The following NKD1 variants were observed in gnomAD, a reference collection of about 807,000 sequenced individuals.
The protein encoded by NKD1 is protein naked cuticle homolog 1.
In NKD1, 21 loss-of-function variants were observed where a neutral mutation model predicts 56.0. The observed-to-expected ratio is 0.38, with a 90% confidence interval of 0.27 to 0.54. The LOEUF (loss-of-function observed/expected upper bound fraction) is 0.54, where lower values mean the gene tolerates loss of function less well. Among genes scored for constraint, NKD1 ranks in the 20% least tolerant of loss-of-function variants. The pLI is 0.82. For synonymous variants in NKD1, 263 were observed against 265.7 expected (o/e 0.99, Z 0.10); for missense variants, 578 against 642.7 (o/e 0.90, Z 1.09).
At position 50,634,081 on chromosome 16, in the gene NKD1, C is replaced by T; in HGVS notation, c.*300C>T. 3.8e-6 allele frequency: 1 copy of T among 264,812 alleles called. No homozygotes were observed. The highest frequency in any genetic ancestry group is 7.0e-6 in the Non-Finnish European group (1 of 142,492). 16.4% of individuals were successfully genotyped at this position (264,812 alleles called of 1,614,324 possible). A position where few individuals can be genotyped will look rare whatever the true frequency, so the allele number is the denominator to read the frequency against. On this transcript the variant is annotated 3_prime_UTR_variant, in exon 10 of 10. Transcript: ENST00000268459. ...TCTGCAGCATCTATGTGGATCAGCC[C>T]ACACCCTTCCCAGAGCCAGGGAGCC...
intron 4 of NKD1, among the ~76,000 whole-genome samples, chr16:50,618,432 A>C (rs1220701263): frequency 6.6e-6 from 1 of 152,138 alleles, no homozygotes; most frequent in African/African-American, 2.4e-5. Flanking sequence ...TCCCGCCTCC[A>C]GTGGGCCTGC....
chr16:50,562,980 A>G (rs897351741), intron 3 of NKD1, among the ~76,000 whole-genome samples: 14 of 56,364 alleles, frequency 2.5e-4, no homozygotes, highest in African/African-American at 1.3e-3. Flanking sequence ...GCTAGGTCCC[A>G]CCACCACCCC....
At chr16:50,607,514 C>G (rs1961739861) in intron 3 of NKD1, 1 of 157,506 alleles carries the variant, frequency 6.3e-6, no homozygotes, top group Non-Finnish European at 1.4e-5. Context: ...TCCCCCAAAC[C>G]CTTGTCTGTC....
At chr16:50,566,811 T>C (rs1003824775) in intron 3 of NKD1, among the ~76,000 whole-genome samples, 1 of 152,220 alleles carries the variant, frequency 6.6e-6, no homozygotes, top group African/African-American at 2.4e-5. Flanking sequence ...ACAGCCTTCC[T>C]TTCAAGCTTC....
intron 3 of NKD1, among the ~76,000 whole-genome samples, chr16:50,580,249 C>T (rs1213679513): frequency 6.6e-6 from 1 of 152,234 alleles, no homozygotes; most frequent in Admixed American, 6.5e-5. Context: ...GTCATGACAC[C>T]ATGATGGATC....
intron 3 of NKD1, among the ~76,000 whole-genome samples, chr16:50,596,742 G>A (rs891915738): frequency 1.3e-5 from 2 of 152,350 alleles, no homozygotes; most frequent in Admixed American, 6.5e-5. Context: ...GAATGCCCCA[G>A]AGATAAATAA....
intron 3 of NKD1, among the ~76,000 whole-genome samples, chr16:50,579,357 C>T (rs544765497): frequency 1.4e-3 from 203 of 148,548 alleles, no homozygotes; most frequent in Non-Finnish European, 2.3e-3. Context: ...TGTCTTACTC[C>T]TGCGGGCTAC....
At position 50,625,608 on chromosome 16, in the gene NKD1, G is replaced by T. The variant is rs550546972; in HGVS notation, c.462+28G>T. 3.3e-5 allele frequency: 48 copies of T among 1,442,162 alleles called. 1 individual carries two copies. In the South Asian group the frequency reaches 5.2e-4, roughly 16 times the overall value. The allele number at this position is 1,442,162 out of a possible 1,614,324, so 89.3% of individuals were successfully genotyped here. A position where few individuals can be genotyped will look rare whatever the true frequency, so the allele number is the denominator to read the frequency against. On this transcript the variant is annotated intron_variant, in intron 6 of 9. Coordinates refer to ENST00000268459, the MANE Select transcript of NKD1 (RefSeq NM_033119.5). ...GAGTGCACCTGCCTGGCCTCTTGCC[G>T]TGTATCATACCCGCAGGCACAGGGC...
chr16:50,594,488 A>C (rs1397131607), intron 3 of NKD1, among the ~76,000 whole-genome samples: 1 of 152,252 alleles, frequency 6.6e-6, no homozygotes. Context: ...CACTCAGGAC[A>C]CTGTCCCAGG....
At chr16:50,610,440 A>G (rs1389300774) in intron 4 of NKD1, among the ~76,000 whole-genome samples, 1 of 152,072 alleles carries the variant, frequency 6.6e-6, no homozygotes, top group East Asian at 1.9e-4. Context: ...GGTGGGGGAT[A>G]TGGTGTGGAT....
In NKD1 at chr16:50,637,418, A is replaced by G. The variant is rs1567357801; in HGVS notation, c.*3637A>G. 6.6e-6 allele frequency: 1 copy of G among 152,086 alleles called. No homozygotes were observed. The highest frequency in any genetic ancestry group is 1.9e-4 in the East Asian group (1 of 5,180). 9.4% of individuals were successfully genotyped at this position (152,086 alleles called of 1,614,324 possible). A position where few individuals can be genotyped will look rare whatever the true frequency, so the allele number is the denominator to read the frequency against. On this transcript the variant is annotated 3_prime_UTR_variant, in exon 10 of 10. Transcript: ENST00000268459. ...CCCGTTTCTACTAAAAATACAAAAA[A>G]TTAGCTGGGCATGGTGGTGCGTGCC...
At chr16:50,562,410 G>T in intron 3 of NKD1, 2 of 341,118 alleles carry the variant, frequency 5.9e-6, no homozygotes, top group Non-Finnish European at 8.3e-6. Flanking sequence ...ACATTTTTAG[G>T]TTGTTTGATT....
Position 50,623,835 on chromosome 16 carries a change from C to T in NKD1, c.367-1650C>T, listed in dbSNP as rs1962149131. Among the ~76,000 whole-genome samples the T allele has an allele frequency of 6.8e-6, 1 of 147,062 alleles. No homozygotes were observed. The highest frequency in any genetic ancestry group is 2.5e-5 in the African/African-American group (1 of 39,540). On this transcript the variant is annotated intron_variant, in intron 5 of 9. Transcript: ENST00000268459. This position sits in a 1 kb window ranked among gnomAD's most constrained non-coding sequence, Gnocchi z 4.1. ...GTGTAGGTATGCGTGTGTGTAGGTA[C>T]GTGTGTAGGGGTATGCGTGTGTGTG...
At chr16:50,618,088 G>T (rs941634755) in intron 4 of NKD1, among the ~76,000 whole-genome samples, 3 of 152,126 alleles carry the variant, frequency 2.0e-5, no homozygotes, top group African/African-American at 7.2e-5. Context: ...AGTGTAGTTT[G>T]CCACCTCCTG....
chr16:50,549,366 G>A (rs939333116), intron 2 of NKD1, 56 bp from the exon 3 acceptor site: 1 of 1,584,688 alleles, frequency 6.3e-7, no homozygotes, highest in Non-Finnish European at 8.6e-7. Context: ...CCTCCGCGGG[G>A]GTAACTTTTG....
chr16:50,616,189 G>A (rs965407693), intron 4 of NKD1: 10 of 420,734 alleles, frequency 2.4e-5, no homozygotes, highest in Non-Finnish European at 4.0e-5. Context: ...TAGCAAGGAA[G>A]TTCTGGCTTG....
At chr16:50,630,796 T>C in intron 7 of NKD1, 30 bp from the exon 8 acceptor site, 1 of 1,554,530 alleles carries the variant, frequency 6.4e-7, no homozygotes, top group Non-Finnish European at 8.7e-7. Flanking sequence ...GCTCACCTGG[T>C]GTCTCCTGTG....
At chr16:50,628,702 T>C (rs1440491637) in intron 6 of NKD1, among the ~76,000 whole-genome samples, 3 of 152,146 alleles carry the variant, frequency 2.0e-5, no homozygotes, top group South Asian at 4.1e-4. Flanking sequence ...GGAGAGGAGA[T>C]GAGATTTGGT....
intron 8 of NKD1, 46 bp downstream of exon 8, chr16:50,630,956 G>T: frequency 6.9e-7 from 1 of 1,459,364 alleles, no homozygotes; most frequent in East Asian, 2.5e-5. Context: ...CACCAGCTGT[G>T]TACCTGCTTC....
Sources: gnomAD v4.1 joint callset for allele counts (sites outside exome capture counted in the v4.1 genomes callset) on GRCh38, gnomAD v4.1.1 for gene constraint, Gnocchi (gnomAD v3.1) non-coding constraint, MANE v1.5 for transcripts, NCBI Gene and HGNC (gene_info 2026-07-23, HGNC 2026-07-21) for gene names.